USP51: variants seen among roughly 807,000 people sequenced by gnomAD.
USP51 encodes the protein ubiquitin specific peptidase 51, also known as ubiquitin carboxyl-terminal hydrolase 51.
In USP51, 5 loss-of-function variants were observed where a neutral mutation model predicts 17.6. The observed-to-expected ratio is 0.28, with a 90% CI of 0.15 to 0.60. The LOEUF (loss-of-function observed/expected upper bound fraction) is 0.60, where lower values mean the gene tolerates loss of function less well. Among genes scored for constraint, USP51 ranks in the 20% least tolerant of loss-of-function variants. USP51 has a pLI of 0.88. For missense variants in USP51, 459 were observed against 559.5 expected (o/e 0.82, Z 1.81); for synonymous variants, 248 against 216.1 (o/e 1.15, Z -1.29).
Position 55,488,565 on chromosome X carries a change from CG to C in USP51, c.374del (p.Pro125ArgfsTer46). On this transcript the variant is annotated frameshift_variant, in exon 3 of 3. Coordinates refer to ENST00000500968, the MANE Select transcript of USP51 (RefSeq NM_201286.4). LOFTEE classifies it low-confidence loss of function (END_TRUNC). Reference sequence around the variant, plus strand: ...GCGGGGGCGGGGGCCGGGCTGGAGGCGGGGGTGGGGCCGAGAGCCCAGGCTG... The same window carrying C: ...GCGGGGGCGGGGGCCGGGCTGGAGGCGGGGTGGGGCCGAGAGCCCAGGCTG... The part of the protein sequence containing the change: ...RSQPGLSAPP[P>X]PPARPPPPPP... 1 of 936,900 alleles carries C rather than the reference CG, an allele frequency of 1.1e-6. No individual in the cohort carries two copies. The highest frequency in any genetic ancestry group is 1.4e-6 in the Non-Finnish European group (1 of 736,353). The allele number at this position is 936,900 out of a possible 1,213,427, so 77.2% of individuals were successfully genotyped here. A position where few individuals can be genotyped will look rare whatever the true frequency, so the allele number is the denominator to read the frequency against.
chrX:55,489,705 T>A (rs2031396690), intron 1 of USP51, among the ~76,000 whole-genome samples, 71 bp downstream of exon 1: 1 of 111,857 alleles, frequency 8.9e-6, no homozygotes, highest in Non-Finnish European at 1.9e-5. Context: ...CCCCGAAGTC[T>A]CCGCTCCCTT....
intron 1 of USP51, among the ~76,000 whole-genome samples, chrX:55,489,567 C>T (rs2031393806): frequency 8.9e-6 from 1 of 112,256 alleles, no homozygotes; most frequent in Admixed American, 9.3e-5. Context: ...CTTTTTCGCG[C>T]TTGTGCTCTC....
chrX:55,488,478 G>C lies in USP51; in HGVS notation c.462C>G (p.Ser154=). The C allele has an allele frequency of 8.3e-7, 1 of 1,206,310 alleles. No individual in the cohort carries two copies. ...PRAWRGSRRR[S]RPGSRPQTRR... ...GTGTCTGAGGCCTGGACCCAGGCCG[G>C]GATCTGCGCCGGGATCCACGCCAGG... Residue 154 remains serine, a synonymous_variant, in exon 3 of 3, where the codon TCC becomes TCG. Coordinates refer to ENST00000500968, the MANE Select transcript of USP51 (RefSeq NM_201286.4).
Position 55,488,883 on chromosome X carries a change from G to A in USP51, c.57C>T (p.Ser19=), listed in dbSNP as rs774473708. 1.7e-6 allele frequency: 2 copies of A among 1,207,886 alleles called. No individual in the cohort carries two copies. The highest frequency in any genetic ancestry group is 2.2e-6 in the Non-Finnish European group (2 of 894,346). ...LPSGSGVRWI[S]GGGGGASPEE... Reference sequence around the variant, plus strand: ...CAGGAGAGGCTCCTCCCCCACCTCCGGAGATCCAGCGGACCCCAGAGCCGG... The same window carrying A: ...CAGGAGAGGCTCCTCCCCCACCTCCAGAGATCCAGCGGACCCCAGAGCCGG... Residue 19 remains serine (S), a synonymous_variant, in exon 3 of 3, where the codon TCC becomes TCT. Transcript: ENST00000500968.
rs1200870791 is a variant in USP51 at position 55,487,817 on chromosome X, T to A, written c.1123A>T (p.Asn375Tyr). Residue 375 changes from asparagine to tyrosine, a missense_variant, in exon 3 of 3, where the codon AAT becomes TAT. Transcript: ENST00000500968. ...TGGGTAAGTGCCTGGACAATACAATTCATAAAACAAGTGTTCCCAAGATTG... is the reference window on the plus strand; with the variant it reads ...TGGGTAAGTGCCTGGACAATACAATACATAAAACAAGTGTTCCCAAGATTG... ...LINLGNTCFMNCIVQALTHIP... is the reference protein window; with the variant it reads ...LINLGNTCFMYCIVQALTHIP... 1 of 1,209,567 alleles carries A rather than the reference T, an allele frequency of 8.3e-7. No individual in the cohort carries two copies. Among genetic ancestry groups the A allele is most frequent in the Non-Finnish European group, 1.1e-6 (1 of 894,496 alleles).
Position 55,485,285 on chromosome X carries a change from G to C in USP51, c.*1519C>G, listed in dbSNP as rs763766806. 1 of 111,235 alleles carries C rather than the reference G, an allele frequency of 9.0e-6. No individual in the cohort carries two copies. Among genetic ancestry groups the C allele is most frequent in the South Asian group, 3.8e-4 (1 of 2,643 alleles). The allele number at this position is 111,235 out of a possible 1,213,427, so 9.2% of individuals were successfully genotyped here. On this transcript the variant is annotated 3_prime_UTR_variant, in exon 3 of 3. Transcript: ENST00000500968. The stretch of plus-strand genomic sequence containing the variant: ...TGTATGAATAATGCAGTTCTAAATG[G>C]GAAAGTCCCTAATGTTTTCATTTTT...
rs2031358676 is a variant in USP51, at chrX:55,488,454, T to C, written c.486A>G (p.Thr162=). The C allele has an allele frequency of 1.7e-6, 2 of 1,209,854 alleles. No individual in the cohort carries two copies. The highest frequency in any genetic ancestry group is 2.2e-5 in the Admixed American group (1 of 45,982). The part of the protein sequence containing the change: ...RRSRPGSRPQ[T]RRSCSGDLDG... ...CTAGGTCACCAGAGCAGCTTCTCCG[T>C]GTCTGAGGCCTGGACCCAGGCCGGG... The change falls in exon 3 of 3, where the codon ACA becomes ACG. Residue 162 remains threonine (T), a synonymous_variant. Transcript: ENST00000500968.
Position 55,486,206 on chromosome X carries a change from ACTT to A in USP51, c.*595_*597del, listed in dbSNP as rs1432563642. On this transcript the variant is annotated 3_prime_UTR_variant, in exon 3 of 3. Transcript: ENST00000500968. ...TGCTTTTAATTTTTAAAATTCTGAA[ACTT>A]CTTTAAATTAAAAAATTATTTTTAA... is the stretch of plus-strand genomic sequence containing the variant. 2.7e-5 allele frequency: 3 copies of A among 111,348 alleles called. No individual in the cohort carries two copies. The Admixed American group carries it at 2.8e-4, about 11-fold the overall frequency. The allele number at this position is 111,348 out of a possible 1,213,427, so 9.2% of individuals were successfully genotyped here. A position where few individuals can be genotyped will look rare whatever the true frequency, so the allele number is the denominator to read the frequency against.
intron 2 of USP51, 82 bp from the exon 3 acceptor site, chrX:55,489,070 C>T (rs2031383310): frequency 1.1e-6 from 1 of 927,125 alleles, no homozygotes; most frequent in Non-Finnish European, 1.5e-6. Context: ...GCCCCCAGGA[C>T]CCCTCCCATC....
In USP51 at chrX:55,485,820, T is replaced by C. The variant is rs1256788295; in HGVS notation, c.*984A>G. 9.0e-6 allele frequency: 1 copy of C among 111,170 alleles called. No individual in the cohort carries two copies. Among genetic ancestry groups the C allele is most frequent in the Admixed American group, 9.5e-5 (1 of 10,487 alleles). 9.2% of individuals were successfully genotyped at this position (111,170 alleles called of 1,213,427 possible). A position where few individuals can be genotyped will look rare whatever the true frequency, so the allele number is the denominator to read the frequency against. On this transcript the variant is annotated 3_prime_UTR_variant, in exon 3 of 3. Coordinates refer to ENST00000500968, the MANE Select transcript of USP51 (RefSeq NM_201286.4). ...TTTACAAGTCTCTATTTTCTTCCTG[T>C]ATTTTTTCAATTTTTGTCTTTAAAC...
chrX:55,486,622 T>G lies in USP51; in HGVS notation c.*182A>C, dbSNP rs776302454. 195 of 509,068 alleles carry G rather than the reference T, an allele frequency of 3.8e-4. No homozygotes were observed. In the African/African-American group the frequency reaches 4.1e-3, roughly 11 times the overall value. The allele number at this position is 509,068 out of a possible 1,213,427, so 42.0% of individuals were successfully genotyped here. On this transcript the variant is annotated 3_prime_UTR_variant, in exon 3 of 3. Transcript: ENST00000500968. ...CCATTTCTTAAGGTTGAATGGTCAC[T>G]GGTTAGTATTCATTTTTTTCTTCCG...
intron 2 of USP51, 78 bp downstream of exon 2, chrX:55,489,091 C>T (rs921423517): frequency 2.4e-5 from 19 of 803,786 alleles, no homozygotes; most frequent in Non-Finnish European, 3.3e-5. Context: ...GGCCCTTGAG[C>T]TCAGCCCGCG....
rs906347637 is a variant in USP51 at position 55,486,289 on chromosome X, AGTT to A, written c.*512_*514del. ...ACTTAAATTTTTTTCAACATTTAAA[AGTT>A]TTTTTCTTTTAAAATCTTAAAAATG... On this transcript the variant is annotated 3_prime_UTR_variant, in exon 3 of 3. Coordinates refer to ENST00000500968, the MANE Select transcript of USP51 (RefSeq NM_201286.4). 9.0e-6 allele frequency: 1 copy of A among 111,631 alleles called. No homozygotes were observed. Among genetic ancestry groups the A allele is most frequent in the Non-Finnish European group, 1.9e-5 (1 of 52,984 alleles). The allele number at this position is 111,631 out of a possible 1,213,427, so 9.2% of individuals were successfully genotyped here. A position where few individuals can be genotyped will look rare whatever the true frequency, so the allele number is the denominator to read the frequency against.
rs769538351 is a variant in USP51 at position 55,486,659 on chromosome X, G to C, written c.*145C>G. ...ATTTTTTTCTTCCGACAGACCCATG[G>C]GCCATGCTAAAATAGGTTCTTTATA... On this transcript the variant is annotated 3_prime_UTR_variant, in exon 3 of 3. Coordinates refer to ENST00000500968, the MANE Select transcript of USP51 (RefSeq NM_201286.4). The C allele has an allele frequency of 3.7e-5, 30 of 803,318 alleles. No individual in the cohort carries two copies. The highest frequency in any genetic ancestry group is 4.4e-5 in the Non-Finnish European group (26 of 585,587). The allele number at this position is 803,318 out of a possible 1,213,427, so 66.2% of individuals were successfully genotyped here.
rs2031386821 is a variant in USP51 at position 55,489,227 on chromosome X, T to G, written c.-108A>C. 2 of 330,357 alleles carry G rather than the reference T, an allele frequency of 6.1e-6. No homozygotes were observed. The highest frequency in any genetic ancestry group is 5.2e-6 in the Non-Finnish European group (1 of 191,195). 27.2% of individuals were successfully genotyped at this position (330,357 alleles called of 1,213,427 possible). A position where few individuals can be genotyped will look rare whatever the true frequency, so the allele number is the denominator to read the frequency against. ...CTGGGAACAGAAGGCTAGCGAGCGG[T>G]GGGGGTGGGGAACGGCCTGAGCTTT... On this transcript the variant is annotated 5_prime_UTR_variant, in exon 2 of 3. Transcript: ENST00000500968.
rs1329571964 is a variant in USP51, at chrX:55,487,773, A to G, written c.1167T>C (p.Asp389=). 1 of 1,212,047 alleles carries G rather than the reference A, an allele frequency of 8.3e-7. No individual in the cohort carries two copies. Among genetic ancestry groups the G allele is most frequent in the South Asian group, 1.8e-5 (1 of 56,984 alleles). ...QALTHIPLLK[D]FFLSDKHKCI... is the part of the protein sequence containing the mutation. Reference sequence around the variant, plus strand: ...ATTTGTGCTTGTCAGAGAGGAAGAAATCTTTCAGTAGAGGAATATGGGTAA... The same window carrying G: ...ATTTGTGCTTGTCAGAGAGGAAGAAGTCTTTCAGTAGAGGAATATGGGTAA... Residue 389 remains aspartate (D), a synonymous_variant, in exon 3 of 3, where the codon GAT becomes GAC. Transcript: ENST00000500968.
At position 55,486,336 on chromosome X, in the gene USP51, G is replaced by A. The variant is rs1256603904; in HGVS notation, c.*468C>T. Reference sequence around the variant, plus strand: ...AAAAATGATTTTTTCCTTTTTAAATGTTTTTCTTTTAAAGCTCTTTAAACT... The same window carrying A: ...AAAAATGATTTTTTCCTTTTTAAATATTTTTCTTTTAAAGCTCTTTAAACT... On this transcript the variant is annotated 3_prime_UTR_variant, in exon 3 of 3. Transcript: ENST00000500968. 9.2e-6 allele frequency: 1 copy of A among 109,046 alleles called. No individual in the cohort carries two copies. Among genetic ancestry groups the A allele is most frequent in the African/African-American group, 3.3e-5 (1 of 29,911 alleles). The allele number at this position is 109,046 out of a possible 1,213,427, so 9.0% of individuals were successfully genotyped here.
chrX:55,488,814 C>G lies in USP51; in HGVS notation c.126G>C (p.Ala42=). The G allele has an allele frequency of 8.3e-7, 1 of 1,211,210 alleles. No homozygotes were observed. The highest frequency in any genetic ancestry group is 1.1e-6 in the Non-Finnish European group (1 of 895,462). Residue 42 remains alanine, a synonymous_variant, in exon 3 of 3, where the codon GCG becomes GCC. Coordinates refer to ENST00000500968, the MANE Select transcript of USP51 (RefSeq NM_201286.4). ...EKAGKMEEAA[A]GATKASSRRE... ...GTCTCGAAGACGCCTTCGTAGCCCC[C>G]GCCGCCGCCTCCTCCATTTTCCCCG...
rs1353049742 is a variant in USP51, at chrX:55,489,149, G to C, written c.-50+20C>G. 2.1e-6 allele frequency: 1 copy of C among 479,010 alleles called. No homozygotes were observed. 39.5% of individuals were successfully genotyped at this position (479,010 alleles called of 1,213,427 possible). A position where few individuals can be genotyped will look rare whatever the true frequency, so the allele number is the denominator to read the frequency against. On this transcript the variant is annotated intron_variant, in intron 2 of 2. Transcript: ENST00000500968. ...CAACTGAGAGGCCCCTGGAGCTGAT[G>C]GGGAGACCGAGGCGGTTACCTGCTT...
Sources: gnomAD v4.1 joint callset for allele counts (sites outside exome capture counted in the v4.1 genomes callset) on GRCh38, gnomAD v4.1.1 for gene constraint, MANE v1.5 for transcripts, NCBI Gene and HGNC (gene_info 2026-07-23, HGNC 2026-07-21) for gene names.